Variants in NCKAP5 observed in about 807,000 individuals in gnomAD.
NCKAP5 encodes the protein NCK associated protein 5.
In NCKAP5, 92 loss-of-function variants were observed where a neutral mutation model predicts 167.0. That is an observed-to-expected ratio of 0.55 (90% CI 0.47 to 0.66). NCKAP5 has a LOEUF of 0.66. Among genes scored for constraint, NCKAP5 ranks in the 30% least tolerant of loss-of-function variants. The pLI is 0.00. For missense variants in NCKAP5, 2,378 were observed against 2,315.0 expected, an observed-to-expected ratio of 1.03 and a Z score of -0.56; for synonymous variants, 891 against 877.4, an observed-to-expected ratio of 1.02 and a Z score of -0.27.
chr2:133,564,318 A>G (rs1688392899), intron 1 of NCKAP5, among the ~76,000 whole-genome samples: 1 of 152,180 alleles, frequency 6.6e-6, no homozygotes, highest in Admixed American at 6.5e-5. Context: ...TACAGTAACC[A>G]CTCAATAGTG....
At chr2:133,474,536 T>C (rs1461261426) in intron 3 of NCKAP5, among the ~76,000 whole-genome samples, 1 of 152,166 alleles carries the variant, frequency 6.6e-6, no homozygotes, top group Non-Finnish European at 1.5e-5. Flanking sequence ...TGAAAATTGA[T>C]AAGGGAATAG....
At chr2:132,781,268 C>T (rs774267340) in intron 14 of NCKAP5, 39 bp from the exon 15 acceptor site, 2 of 1,577,886 alleles carry the variant, frequency 1.3e-6, no homozygotes, top group East Asian at 2.3e-5. Flanking sequence ...AGTTACCTTG[C>T]TCCTTCTTCA....
chr2:132,952,452 C>T (rs765137959), intron 8 of NCKAP5, among the ~76,000 whole-genome samples: 1 of 151,960 alleles, frequency 6.6e-6, no homozygotes, highest in Admixed American at 6.6e-5. Context: ...AGTCACAGAC[C>T]CCCCCCACTC....
chr2:133,525,631 G>C (rs1418905417), intron 2 of NCKAP5, among the ~76,000 whole-genome samples: 1 of 152,200 alleles, frequency 6.6e-6, no homozygotes, highest in Admixed American at 6.5e-5. Flanking sequence ...AAATTATTGA[G>C]ATATAATTCG....
intron 3 of NCKAP5, among the ~76,000 whole-genome samples, chr2:133,374,914 T>A (rs1276287301): frequency 6.6e-6 from 1 of 152,196 alleles, no homozygotes; most frequent in Non-Finnish European, 1.5e-5. Flanking sequence ...CTGTCTTTTC[T>A]GCGCTCCGAA....
Position 132,800,463 on chromosome 2 carries a change from T to C in NCKAP5, c.808-3734A>G, listed in dbSNP as rs956431489. 3.3e-5 allele frequency among the ~76,000 whole-genome samples: 5 copies of C among 152,308 alleles called. No individual in the cohort carries two copies. In the East Asian group the frequency reaches 7.7e-4, roughly 23 times the overall value. ...ACTGTCTCAGTAACTGAGATTCAACTGGGTTTCAGAAATAGAGACTCCTAA... is the reference window on the plus strand; with the variant it reads ...ACTGTCTCAGTAACTGAGATTCAACCGGGTTTCAGAAATAGAGACTCCTAA... On this transcript the variant is annotated intron_variant, in intron 11 of 19. Coordinates refer to ENST00000409261, the MANE Select transcript of NCKAP5 (RefSeq NM_207363.3).
intron 6 of NCKAP5, among the ~76,000 whole-genome samples, chr2:133,066,586 TG>T (rs768260324): frequency 3.9e-5 from 6 of 152,216 alleles, no homozygotes; most frequent in African/African-American, 9.6e-5. Context: ...ATTGTAAACA[TG>T]GGATGCTGAG....
At chr2:133,145,286 C>G (rs1469394586) in intron 5 of NCKAP5, among the ~76,000 whole-genome samples, 2 of 151,830 alleles carry the variant, frequency 1.3e-5, no homozygotes, top group African/African-American at 4.8e-5. Flanking sequence ...AGTTAATTTT[C>G]CAATGAGAAC....
rs997577172 is a variant in NCKAP5 at position 133,244,462 on chromosome 2, G to C, written c.144-30683C>G. 2.0e-5 allele frequency among the ~76,000 whole-genome samples: 3 copies of C among 151,878 alleles called. No individual in the cohort carries two copies. In the East Asian group the frequency reaches 5.8e-4, roughly 29 times the overall value. The stretch of plus-strand genomic sequence containing the variant: ...TAGTATTTATATAACCCTATTTTAT[G>C]CACAGTTAGCATGAATCTTAAAAAA... On this transcript the variant is annotated intron_variant, in intron 4 of 19. Coordinates refer to ENST00000409261, the MANE Select transcript of NCKAP5 (RefSeq NM_207363.3).
intron 4 of NCKAP5, among the ~76,000 whole-genome samples, chr2:133,289,508 G>A (rs186693484): frequency 3.9e-5 from 6 of 151,976 alleles, no homozygotes; most frequent in Admixed American, 1.3e-4. Context: ...TTGGGAGGCC[G>A]AGGCAGGCAG....
At chr2:132,746,184 G>A (rs1196521096) in intron 16 of NCKAP5, among the ~76,000 whole-genome samples, 1 of 152,064 alleles carries the variant, frequency 6.6e-6, no homozygotes, top group Non-Finnish European at 1.5e-5. Flanking sequence ...TTAAGAGAGT[G>A]TGGTATTGGG....
At position 132,805,568 on chromosome 2, in the gene NCKAP5, T is replaced by C. The variant is rs181485326; in HGVS notation, c.808-8839A>G. Among the ~76,000 whole-genome samples, 105 of 152,176 alleles carry C rather than the reference T, an allele frequency of 6.9e-4. 1 individual carries two copies. Among genetic ancestry groups the C allele is most frequent in the African/African-American group, 2.4e-3 (100 of 41,548 alleles). ...ACTATTGGTATTTGATTGGTATTGTTAATTTCATTTGCTTTTTAGATCACT... is the reference window on the plus strand; with the variant it reads ...ACTATTGGTATTTGATTGGTATTGTCAATTTCATTTGCTTTTTAGATCACT... On this transcript the variant is annotated intron_variant, in intron 11 of 19. Transcript: ENST00000409261.
chr2:133,081,387 G>A (rs1228825439), intron 6 of NCKAP5, among the ~76,000 whole-genome samples: 2 of 152,138 alleles, frequency 1.3e-5, no homozygotes, highest in Non-Finnish European at 2.9e-5. Context: ...AAGCACAAAA[G>A]GACAGGCAAA....
intron 3 of NCKAP5, among the ~76,000 whole-genome samples, chr2:133,347,959 C>T (rs1025744532): frequency 1.6e-4 from 24 of 152,306 alleles, no homozygotes; most frequent in African/African-American, 5.8e-4. Context: ...AAGTGACAAA[C>T]CTTGAGCTCT....
chr2:132,806,576 A>G (rs139163034), intron 11 of NCKAP5, among the ~76,000 whole-genome samples: 2,657 of 152,034 alleles, frequency 0.017, 43 homozygotes, highest in Middle Eastern at 0.031. Flanking sequence ...TTCTTTTGAG[A>G]ATTGTCTATT....
At chr2:132,683,507 G>A (rs147794701) in intron 19 of NCKAP5, among the ~76,000 whole-genome samples, 1 of 152,332 alleles carries the variant, frequency 6.6e-6, no homozygotes, top group African/African-American at 2.4e-5. Flanking sequence ...GGTAGGCTTG[G>A]TCAGCAGTTG....
At chr2:133,657,762 G>A in the NCKAP5 span, among the ~76,000 whole-genome samples, 1 of 152,112 alleles carries the variant, frequency 6.6e-6, no homozygotes, top group Non-Finnish European at 1.5e-5. Context: ...CGGGCGTCAC[G>A]AACTGTGGGA....
rs187371171 is a variant in NCKAP5 at position 132,789,923 on chromosome 2, G to A, written c.1092+100C>T. On this transcript the variant is annotated intron_variant, in intron 13 of 19. Transcript: ENST00000409261. ...CATGAGCAGGTGCTCAGCAAATGGTGGCTTCCTTCTTACCCCTCCCACCTG... is the reference window on the plus strand; with the variant it reads ...CATGAGCAGGTGCTCAGCAAATGGTAGCTTCCTTCTTACCCCTCCCACCTG... 47 of 1,134,750 alleles carry A rather than the reference G, an allele frequency of 4.1e-5. No individual in the cohort carries two copies. The East Asian group carries it at 1.2e-3, about 28-fold the overall frequency. The allele number at this position is 1,134,750 out of a possible 1,614,324, so 70.3% of individuals were successfully genotyped here. A position where few individuals can be genotyped will look rare whatever the true frequency, so the allele number is the denominator to read the frequency against.
At chr2:133,169,385 G>A (rs1337008958) in intron 5 of NCKAP5, among the ~76,000 whole-genome samples, 1 of 152,150 alleles carries the variant, frequency 6.6e-6, no homozygotes, top group Non-Finnish European at 1.5e-5. Context: ...ACAAAGCAGT[G>A]CATCTGTTTC....
Sources: gnomAD v4.1 joint callset for allele counts (sites outside exome capture counted in the v4.1 genomes callset) on GRCh38, gnomAD v4.1.1 for gene constraint, MANE v1.5 for transcripts, NCBI Gene and HGNC (gene_info 2026-07-23, HGNC 2026-07-21) for gene names.